GNAO1: variants seen among roughly 807,000 people sequenced by gnomAD.
The protein encoded by GNAO1 is G protein subunit alpha o1, also known as guanine nucleotide-binding protein G(o) subunit alpha.
For missense variants in GNAO1, 166 were observed against 478.7 expected (o/e 0.35, Z 6.10); for synonymous variants, 164 against 180.7 (o/e 0.91, Z 0.74).
chr16:56,206,967 G>A (rs1274115950), intron 2 of GNAO1, among the ~76,000 whole-genome samples: 3 of 152,160 alleles, frequency 2.0e-5, no homozygotes, highest in African/African-American at 7.2e-5. Flanking sequence ...AAACTGGTTT[G>A]AAACCTCAGT....
intron 2 of GNAO1, among the ~76,000 whole-genome samples, chr16:56,246,175 C>G (rs781232773): frequency 6.6e-6 from 1 of 152,208 alleles, no homozygotes; most frequent in Non-Finnish European, 1.5e-5. Context: ...CAGTGGCTGA[C>G]TCCACACTGT....
chr16:56,347,985 C>T (rs935227396), intron 6 of GNAO1: 21 of 979,578 alleles, frequency 2.1e-5, no homozygotes, highest in Admixed American at 6.2e-5. Context: ...GAGGTGGGCT[C>T]GGGCGTCCCA....
chr16:56,285,658 G>A (rs1171171238), intron 3 of GNAO1, among the ~76,000 whole-genome samples: 1 of 152,222 alleles, frequency 6.6e-6, no homozygotes, highest in Non-Finnish European at 1.5e-5. Flanking sequence ...AAATCGTGTT[G>A]TATTTTAAAT....
At chr16:56,264,949 A>T (rs1209636594) in intron 2 of GNAO1, among the ~76,000 whole-genome samples, 2 of 152,174 alleles carry the variant, frequency 1.3e-5, no homozygotes, top group Non-Finnish European at 2.9e-5. Context: ...CTGGATTTTT[A>T]GCTGAGTCTT....
rs139007328 is a variant in GNAO1, at chr16:56,240,865, A to G, written c.162-35066A>G. Among the ~76,000 whole-genome samples, 218 of 152,260 alleles carry G rather than the reference A, an allele frequency of 1.4e-3. 5 individuals carry two copies. The South Asian group carries it at 0.036, about 25-fold the overall frequency. ...AGAACAGGATGAGACTCTGTGGGAT[A>G]TGGTTTGATTTGCCTCAGCTCAGGA... On this transcript the variant is annotated intron_variant, in intron 2 of 8. Transcript: ENST00000262493.
chr16:56,298,991 T>C (rs908191362), intron 3 of GNAO1, among the ~76,000 whole-genome samples: 4 of 151,128 alleles, frequency 2.6e-5, no homozygotes, highest in Non-Finnish European at 5.9e-5. Context: ...TGGGCAGAAA[T>C]TGTGAAAACA....
intron 2 of GNAO1, among the ~76,000 whole-genome samples, chr16:56,218,759 G>A (rs2036457895): frequency 6.6e-6 from 1 of 152,096 alleles, no homozygotes; most frequent in Non-Finnish European, 1.5e-5. Flanking sequence ...CTTTGTCCAT[G>A]GTGTGCCCTA....
At chr16:56,213,574 A>G (rs1296912169) in intron 2 of GNAO1, among the ~76,000 whole-genome samples, 1 of 152,028 alleles carries the variant, frequency 6.6e-6, no homozygotes, top group Non-Finnish European at 1.5e-5. Context: ...TGAACTCCTG[A>G]GCTTAAGTGA....
At chr16:56,323,426 G>A (rs1319655334) in intron 3 of GNAO1, among the ~76,000 whole-genome samples, 1 of 152,158 alleles carries the variant, frequency 6.6e-6, no homozygotes, top group African/African-American at 2.4e-5. Flanking sequence ...CCTTGACCTA[G>A]GCTGTTTTTG....
intron 6 of GNAO1, among the ~76,000 whole-genome samples, chr16:56,348,358 C>A (rs147549366): frequency 2.6e-5 from 4 of 152,298 alleles, no homozygotes; most frequent in South Asian, 2.1e-4. Context: ...GGCGACTGGG[C>A]GCCCTGCCCC....
chr16:56,295,065 C>T (rs1328036886), intron 3 of GNAO1, among the ~76,000 whole-genome samples: 1 of 152,148 alleles, frequency 6.6e-6, no homozygotes, highest in Non-Finnish European at 1.5e-5. Flanking sequence ...CTTTGGCTTG[C>T]CTTTACAATT....
intron 2 of GNAO1, among the ~76,000 whole-genome samples, chr16:56,256,166 G>A (rs1185534202): frequency 5.9e-5 from 9 of 152,130 alleles, no homozygotes; most frequent in Non-Finnish European, 1.0e-4. Flanking sequence ...GGTGGGAGTG[G>A]AGCTGTCCTT....
At chr16:56,301,558 T>C (rs1415837248) in intron 3 of GNAO1, 1 of 152,242 alleles carries the variant, frequency 6.6e-6, no homozygotes, top group African/African-American at 2.4e-5. Flanking sequence ...TTGGCATTTT[T>C]CCATTATTTT....
At chr16:56,203,826 G>A (rs1366569648) in intron 2 of GNAO1, among the ~76,000 whole-genome samples, 4 of 152,180 alleles carry the variant, frequency 2.6e-5, no homozygotes, top group African/African-American at 9.7e-5. Context: ...ACACCACCAG[G>A]GAGTAGTGGG....
chr16:56,327,636 T>C (rs1413838571), intron 3 of GNAO1, among the ~76,000 whole-genome samples: 1 of 152,186 alleles, frequency 6.6e-6, no homozygotes, highest in East Asian at 1.9e-4. Flanking sequence ...TGATGTTACA[T>C]GCATGTGATT....
At chr16:56,339,329 T>C (rs1567490658) in intron 6 of GNAO1, among the ~76,000 whole-genome samples, 1 of 152,086 alleles carries the variant, frequency 6.6e-6, no homozygotes, top group Non-Finnish European at 1.5e-5. Context: ...AATGGTAGAA[T>C]GGACCACCGG....
At chr16:56,289,902 C>A (rs1712518182) in intron 3 of GNAO1, among the ~76,000 whole-genome samples, 1 of 152,230 alleles carries the variant, frequency 6.6e-6, no homozygotes, top group African/African-American at 2.4e-5. Flanking sequence ...CAGCTTCCCA[C>A]TGCCTCTCTT....
intron 3 of GNAO1, among the ~76,000 whole-genome samples, chr16:56,295,830 G>GGT (rs1300708933): frequency 1.3e-5 from 2 of 152,250 alleles, no homozygotes; most frequent in African/African-American, 2.4e-5. Context: ...TTCTGAATCA[G>GGT]AAACCTGGGG....
intron 3 of GNAO1, among the ~76,000 whole-genome samples, chr16:56,282,410 G>T (rs1320774167): frequency 1.3e-5 from 2 of 152,194 alleles, no homozygotes; most frequent in African/African-American, 4.8e-5. Flanking sequence ...AAGTGTTGAT[G>T]AATTCTACTC....
Sources: allele counts gnomAD v4.1 joint callset (sites outside exome capture counted in the v4.1 genomes callset), GRCh38; gene constraint gnomAD v4.1.1; transcripts MANE v1.5; gene names NCBI Gene and HGNC (gene_info 2026-07-23, HGNC 2026-07-21).